The following SH3RF3 variants were observed in gnomAD, a reference collection of about 807,000 sequenced individuals.
SH3RF3 encodes the protein SH3 domain containing ring finger 3.
SH3RF3 carries 29 observed loss-of-function variants against 66.3 expected under a neutral mutation model. The observed-to-expected ratio is 0.44, with a 90% CI of 0.33 to 0.60. The LOEUF is 0.60. Among genes scored for constraint, SH3RF3 ranks in the 20% least tolerant of loss-of-function variants. The pLI, the probability that SH3RF3 is intolerant of heterozygous loss-of-function variation, is 0.04. For missense variants in SH3RF3, 1,194 were observed against 1,190.9 expected, an observed-to-expected ratio of 1.00 and a Z score of -0.04; for synonymous variants, 583 against 532.0, an observed-to-expected ratio of 1.10 and a Z score of -1.32.
At chr2:109,139,185 C>T (rs1000287236) in intron 1 of SH3RF3, among the ~76,000 whole-genome samples, 1 of 152,192 alleles carries the variant, frequency 6.6e-6, no homozygotes, top group Non-Finnish European at 1.5e-5. Context: ...CCTATTTTCT[C>T]TTCCCAAGCA....
chr2:109,151,564 C>T (rs552765245), intron 1 of SH3RF3, among the ~76,000 whole-genome samples: 4 of 152,294 alleles, frequency 2.6e-5, no homozygotes, highest in East Asian at 1.9e-4. Flanking sequence ...CAAAATATGT[C>T]GGCATGTAGT....
chr2:109,401,092 T>A (rs1032095571), intron 4 of SH3RF3, among the ~76,000 whole-genome samples: 2 of 152,168 alleles, frequency 1.3e-5, no homozygotes, highest in African/African-American at 4.8e-5. Flanking sequence ...CTTGGAATAG[T>A]CTTGCTTATT....
At chr2:109,174,980 A>G (rs1677883467) in intron 1 of SH3RF3, among the ~76,000 whole-genome samples, 10 of 152,206 alleles carry the variant, frequency 6.6e-5, no homozygotes. Context: ...AGTGATTTAT[A>G]CCTTTTTCCA....
intron 1 of SH3RF3, among the ~76,000 whole-genome samples, chr2:109,239,185 G>T (rs543725392): frequency 2.6e-5 from 4 of 152,152 alleles, no homozygotes; most frequent in Non-Finnish European, 5.9e-5. Flanking sequence ...TTCCCTGGGT[G>T]TGAGCCCTGC....
chr2:109,396,324 A>G (rs1262911349), intron 3 of SH3RF3, among the ~76,000 whole-genome samples: 1 of 152,232 alleles, frequency 6.6e-6, no homozygotes, highest in Non-Finnish European at 1.5e-5. Flanking sequence ...TTCAAAGGAA[A>G]TAACCCTAGA....
At chr2:109,459,253 T>C (rs1678150231) in intron 8 of SH3RF3, among the ~76,000 whole-genome samples, 1 of 152,136 alleles carries the variant, frequency 6.6e-6, no homozygotes, top group African/African-American at 2.4e-5. Context: ...CACAGACATA[T>C]TCTTAACAAA....
At chr2:109,447,419 G>A (rs147600465) in intron 7 of SH3RF3, among the ~76,000 whole-genome samples, 74 of 152,260 alleles carry the variant, frequency 4.9e-4, no homozygotes, top group African/African-American at 1.6e-3. Context: ...GCATAGTTGG[G>A]GGCTGAGAAG....
chr2:109,387,480 TC>T (rs1675854182), intron 3 of SH3RF3, among the ~76,000 whole-genome samples: 1 of 152,176 alleles, frequency 6.6e-6, no homozygotes, highest in Non-Finnish European at 1.5e-5. Flanking sequence ...CCTCAGACAC[TC>T]CAGCCAGCTG....
At chr2:109,318,745 C>G (rs1681946732) in intron 1 of SH3RF3, among the ~76,000 whole-genome samples, 1 of 152,190 alleles carries the variant, frequency 6.6e-6, no homozygotes, top group South Asian at 2.1e-4. Context: ...ACTGACCCTT[C>G]TGGTCTCATC....
At chr2:109,241,548 C>G (rs1023990352) in intron 1 of SH3RF3, among the ~76,000 whole-genome samples, 1 of 152,144 alleles carries the variant, frequency 6.6e-6, no homozygotes, top group East Asian at 1.9e-4. Flanking sequence ...CGTCCTCCCT[C>G]CCACACAACC....
intron 1 of SH3RF3, among the ~76,000 whole-genome samples, chr2:109,235,668 A>G (rs1171131489): frequency 6.6e-6 from 1 of 152,196 alleles, no homozygotes; most frequent in East Asian, 1.9e-4. Flanking sequence ...GGAGAGAGGG[A>G]GAGTGTACGT....
chr2:109,230,514 A>G (rs1679482184), intron 1 of SH3RF3, among the ~76,000 whole-genome samples: 1 of 152,194 alleles, frequency 6.6e-6, no homozygotes, highest in African/African-American at 2.4e-5. Flanking sequence ...TAGTAGGTAG[A>G]GGTTGAAGTG....
chr2:109,241,133 T>C (rs936979558), intron 1 of SH3RF3, among the ~76,000 whole-genome samples: 1 of 152,226 alleles, frequency 6.6e-6, no homozygotes, highest in Non-Finnish European at 1.5e-5. Context: ...TAATACAAAT[T>C]AGTCGACAGT....
intron 3 of SH3RF3, among the ~76,000 whole-genome samples, chr2:109,379,199 A>T (rs1247816698): frequency 6.6e-6 from 1 of 152,172 alleles, no homozygotes; most frequent in African/African-American, 2.4e-5. Flanking sequence ...GTTACCCATC[A>T]TTTCACCTTG....
At chr2:109,161,913 A>G (rs1232387635) in intron 1 of SH3RF3, among the ~76,000 whole-genome samples, 1 of 151,924 alleles carries the variant, frequency 6.6e-6, no homozygotes, top group East Asian at 1.9e-4. Flanking sequence ...CCTATCACCT[A>G]TCACTCAGTG....
intron 4 of SH3RF3, among the ~76,000 whole-genome samples, chr2:109,401,285 T>A (rs1049921914): frequency 6.6e-6 from 1 of 152,170 alleles, no homozygotes; most frequent in African/African-American, 2.4e-5. Context: ...TGAAACAAAT[T>A]TGGCTCAAAG....
chr2:109,165,980 C>A (rs1677611694), intron 1 of SH3RF3, among the ~76,000 whole-genome samples: 1 of 152,068 alleles, frequency 6.6e-6, no homozygotes, highest in Non-Finnish European at 1.5e-5. Flanking sequence ...TTTTTTCCCG[C>A]TGCTATTGCA....
intron 1 of SH3RF3, among the ~76,000 whole-genome samples, chr2:109,163,702 A>G (rs912024610): frequency 2.0e-4 from 30 of 152,144 alleles, no homozygotes; most frequent in African/African-American, 6.5e-4. Context: ...CCTGGCCGCA[A>G]ATATTCTTAA....
At chr2:109,288,548 G>A (rs547543505) in intron 1 of SH3RF3, among the ~76,000 whole-genome samples, 124 of 152,290 alleles carry the variant, frequency 8.1e-4, no homozygotes, top group African/African-American at 2.9e-3. Flanking sequence ...TTGTCATGTT[G>A]GTCTGGAGTC....
Sources: gnomAD v4.1 joint callset for allele counts (sites outside exome capture counted in the v4.1 genomes callset) on GRCh38, gnomAD v4.1.1 for gene constraint, MANE v1.5 for transcripts, NCBI Gene and HGNC (gene_info 2026-07-23, HGNC 2026-07-21) for gene names.